The following ARHGAP24 variants were observed in gnomAD, a reference collection of about 807,000 sequenced individuals.
ARHGAP24 encodes rho GTPase-activating protein 24.
ARHGAP24 carries 50 observed loss-of-function variants against 76.4 expected under a neutral mutation model. That is an observed-to-expected ratio of 0.65 (90% confidence interval 0.52 to 0.83). The LOEUF (loss-of-function observed/expected upper bound fraction) is 0.83. Among genes scored for constraint, ARHGAP24 ranks in the 40% least tolerant of loss-of-function variants. ARHGAP24 has a pLI of 0.00. For missense variants in ARHGAP24, 930 were observed against 914.2 expected, an observed-to-expected ratio of 1.02 and a Z score of -0.22; for synonymous variants, 345 against 323.3, an observed-to-expected ratio of 1.07 and a Z score of -0.72.
chr4:85,687,609 A>G (rs1007866831), intron 2 of ARHGAP24, among the ~76,000 whole-genome samples: 1 of 152,076 alleles, frequency 6.6e-6, no homozygotes, highest in Non-Finnish European at 1.5e-5. Flanking sequence ...CTTTCTGGCT[A>G]TGTTGTATTC....
At chr4:85,541,700 C>T (rs1320368784) in intron 1 of ARHGAP24, among the ~76,000 whole-genome samples, 1 of 152,040 alleles carries the variant, frequency 6.6e-6, no homozygotes, top group African/African-American at 2.4e-5. Context: ...GGCTAGAAGT[C>T]AAGATCAGCA....
intron 4 of ARHGAP24, among the ~76,000 whole-genome samples, chr4:85,939,705 A>G (rs1013798590): frequency 2.0e-4 from 31 of 151,514 alleles, no homozygotes; most frequent in Admixed American, 2.0e-4. Flanking sequence ...GTTGTTGGGG[A>G]AAAAAAAATC....
chr4:85,779,806 G>A (rs1727458051), intron 3 of ARHGAP24, among the ~76,000 whole-genome samples: 2 of 152,152 alleles, frequency 1.3e-5, no homozygotes, highest in South Asian at 2.1e-4. Flanking sequence ...CTTTCCCCGA[G>A]GCCCTGGCTA....
intron 2 of ARHGAP24, among the ~76,000 whole-genome samples, chr4:85,653,244 G>T (rs1290269584): frequency 3.3e-5 from 5 of 151,980 alleles, no homozygotes; most frequent in Non-Finnish European, 7.4e-5. Context: ...GTTCTAGCTG[G>T]CGAGGTTATT....
intron 5 of ARHGAP24, among the ~76,000 whole-genome samples, chr4:85,959,778 C>T (rs929303168): frequency 6.6e-6 from 1 of 152,070 alleles, no homozygotes; most frequent in Non-Finnish European, 1.5e-5. Flanking sequence ...AACTGCTTTC[C>T]AAAAAGGCGG....
intron 2 of ARHGAP24, among the ~76,000 whole-genome samples, chr4:85,578,552 G>C (rs1727481453): frequency 6.6e-6 from 1 of 152,078 alleles, no homozygotes; most frequent in African/African-American, 2.4e-5. Context: ...AGTCTGCCTG[G>C]GTTCAGTCTA....
intron 3 of ARHGAP24, among the ~76,000 whole-genome samples, chr4:85,895,543 T>C (rs1734128425): frequency 6.6e-6 from 1 of 152,162 alleles, no homozygotes; most frequent in Admixed American, 6.6e-5. Flanking sequence ...AAAAAATATC[T>C]TTTGGGGGGA....
intron 2 of ARHGAP24, among the ~76,000 whole-genome samples, chr4:85,596,047 A>G (rs1719823811): frequency 6.6e-6 from 1 of 151,814 alleles, no homozygotes; most frequent in Admixed American, 6.6e-5. Context: ...CATGTTACTT[A>G]AAAGGAAATA....
chr4:85,618,698 G>T (rs1027409659), intron 2 of ARHGAP24, among the ~76,000 whole-genome samples: 4 of 151,986 alleles, frequency 2.6e-5, no homozygotes, highest in African/African-American at 7.2e-5. Flanking sequence ...ATATCTCATT[G>T]TAGTTTTGAT....
chr4:85,657,344 T>C (rs578240556), intron 2 of ARHGAP24, among the ~76,000 whole-genome samples: 3 of 152,342 alleles, frequency 2.0e-5, no homozygotes, highest in African/African-American at 7.2e-5. Flanking sequence ...TACTTTGTTC[T>C]TCCCTTTTAG....
At chr4:85,700,877 T>A (rs2110025805) in intron 2 of ARHGAP24, among the ~76,000 whole-genome samples, 1 of 152,330 alleles carries the variant, frequency 6.6e-6, no homozygotes, top group African/African-American at 2.4e-5. Flanking sequence ...ATATAGTATC[T>A]TCCAGCAGGC....
At chr4:85,959,464 C>A (rs190760443) in intron 5 of ARHGAP24, among the ~76,000 whole-genome samples, 98 of 152,306 alleles carry the variant, frequency 6.4e-4, no homozygotes, top group Non-Finnish European at 1.3e-3. Flanking sequence ...TTTTACCCAG[C>A]CCCTATTCTA....
At chr4:85,480,422 G>A (rs1392952278) in intron 1 of ARHGAP24, among the ~76,000 whole-genome samples, 2 of 152,024 alleles carry the variant, frequency 1.3e-5, no homozygotes, top group African/African-American at 4.8e-5. Flanking sequence ...TCAATTGTAC[G>A]CCAGTCAAGC....
At chr4:85,666,310 G>A (rs943652036) in intron 2 of ARHGAP24, among the ~76,000 whole-genome samples, 2 of 151,952 alleles carry the variant, frequency 1.3e-5, no homozygotes, top group African/African-American at 2.4e-5. Context: ...GATCGCATCG[G>A]CTCCTGAGGC....
At chr4:85,996,356 G>A (rs1578483595) in intron 9 of ARHGAP24, among the ~76,000 whole-genome samples, 2 of 152,262 alleles carry the variant, frequency 1.3e-5, no homozygotes, top group South Asian at 4.1e-4. Flanking sequence ...TTATAAAGAA[G>A]CAATTATGCT....
intron 2 of ARHGAP24, among the ~76,000 whole-genome samples, chr4:85,714,805 A>G (rs1724674968): frequency 2.0e-5 from 3 of 152,102 alleles, no homozygotes. Context: ...CCAGGAATCT[A>G]TGTAACTAAT....
At chr4:85,523,773 C>T (rs912616739) in intron 1 of ARHGAP24, among the ~76,000 whole-genome samples, 19 of 150,668 alleles carry the variant, frequency 1.3e-4, no homozygotes, top group Admixed American at 4.0e-4. Context: ...GCCTTATAGG[C>T]GAGTTGGAAG....
chr4:86,000,824 A>G lies in ARHGAP24; in HGVS notation c.*102A>G. Reference sequence around the variant, plus strand: ...GTGGCTGGTCACCTGGATGTACAGAAGTCTAACTGGTGAAGGAATATCATT... The same window carrying G: ...GTGGCTGGTCACCTGGATGTACAGAGGTCTAACTGGTGAAGGAATATCATT... On this transcript the variant is annotated 3_prime_UTR_variant, in exon 10 of 10. Coordinates refer to ENST00000395184, the MANE Select transcript of ARHGAP24 (RefSeq NM_001025616.3). 1 of 1,531,548 alleles carries G rather than the reference A, an allele frequency of 6.5e-7. No homozygotes were observed. 94.9% of individuals were successfully genotyped at this position (1,531,548 alleles called of 1,614,324 possible). A position where few individuals can be genotyped will look rare whatever the true frequency, so the allele number is the denominator to read the frequency against.
intron 3 of ARHGAP24, among the ~76,000 whole-genome samples, chr4:85,754,334 T>G (rs1412251359): frequency 6.6e-6 from 1 of 152,258 alleles, no homozygotes; most frequent in Non-Finnish European, 1.5e-5. Context: ...CATTTGCTGA[T>G]GGACACTTAG....
Sources: gnomAD v4.1 joint callset for allele counts (sites outside exome capture counted in the v4.1 genomes callset) on GRCh38, gnomAD v4.1.1 for gene constraint, MANE v1.5 for transcripts, NCBI Gene and HGNC (gene_info 2026-07-23, HGNC 2026-07-21) for gene names.